The following SNTG1 variants were observed in gnomAD, a reference collection of about 807,000 sequenced individuals.
SNTG1 encodes gamma-1-syntrophin.
In SNTG1, 39 loss-of-function variants were observed where a neutral mutation model predicts 74.7. The ratio of observed to expected loss-of-function variants is 0.52; its 90% confidence interval spans 0.40 to 0.68. SNTG1 has a LOEUF of 0.68. Ranked by LOEUF, SNTG1 falls within the 30% of genes least tolerant of loss-of-function variation. The pLI is 0.00. For missense variants in SNTG1, 685 were observed against 609.5 expected, an observed-to-expected ratio of 1.12 and a Z score of -1.30; for synonymous variants, 254 against 217.1, an observed-to-expected ratio of 1.17 and a Z score of -1.49.
intron 3 of SNTG1, 144 bp downstream of exon 3, chr8:50,394,409 C>A: frequency 1.4e-6 from 1 of 735,020 alleles, no homozygotes; most frequent in Non-Finnish European, 2.2e-6. Flanking sequence ...AGATTACGTT[C>A]TCCTTCTGCA....
At chr8:50,678,063 A>G (rs892780287) in intron 15 of SNTG1, among the ~76,000 whole-genome samples, 1 of 151,960 alleles carries the variant, frequency 6.6e-6, no homozygotes, top group Non-Finnish European at 1.5e-5. Context: ...TATGTAACAA[A>G]CCTGCACTTT....
intron 2 of SNTG1, among the ~76,000 whole-genome samples, chr8:50,334,898 A>G (rs1486094895): frequency 3.3e-5 from 5 of 152,188 alleles, no homozygotes; most frequent in Non-Finnish European, 7.3e-5. Flanking sequence ...CACTTATTGT[A>G]ACTTGAAAAT....
chr8:49,990,772 C>CCA (rs1385946271), intron 1 of SNTG1, among the ~76,000 whole-genome samples: 1 of 151,924 alleles, frequency 6.6e-6, no homozygotes, highest in Non-Finnish European at 1.5e-5. Flanking sequence ...GACTCCTTCC[C>CCA]CACATAACAA....
intron 13 of SNTG1, among the ~76,000 whole-genome samples, chr8:50,630,849 A>G (rs1404600699): frequency 6.6e-6 from 1 of 152,176 alleles, no homozygotes; most frequent in Non-Finnish European, 1.5e-5. Context: ...TGGAGACTGG[A>G]TGGAAAGGAT....
intron 1 of SNTG1, among the ~76,000 whole-genome samples, chr8:49,982,220 G>A (rs1361598791): frequency 6.6e-6 from 1 of 152,034 alleles, no homozygotes; most frequent in Non-Finnish European, 1.5e-5. Context: ...GTTATAATAT[G>A]TATGGGCACA....
rs562690710 is a variant in SNTG1, at chr8:49,960,882, G to T, written c.-103+48651G>T. 1.2e-4 allele frequency among the ~76,000 whole-genome samples: 18 copies of T among 152,200 alleles called. No homozygotes were observed. The South Asian group carries it at 3.7e-3, about 32-fold the overall frequency. On this transcript the variant is annotated intron_variant, in intron 1 of 18. Coordinates refer to ENST00000642720, the MANE Select transcript of SNTG1 (RefSeq NM_018967.5). The stretch of plus-strand genomic sequence containing the variant: ...AATGGCCCCTCTATTCTTGGGTAGA[G>T]TATTGAATATCTTACGTGGATTAAG...
chr8:50,301,236 T>A (rs147899158), intron 2 of SNTG1, among the ~76,000 whole-genome samples: 1 of 152,172 alleles, frequency 6.6e-6, no homozygotes, highest in East Asian at 1.9e-4. Context: ...GGTGTTCTAA[T>A]GGACTATGGG....
upstream of SNTG1, chr8:49,911,192 A>T (rs1200777995): frequency 2.6e-5 from 4 of 152,150 alleles, no homozygotes; most frequent in African/African-American, 4.8e-5. Context: ...GGTTTCTCAA[A>T]ATTTGAATGT....
At chr8:50,162,333 C>T (rs7821723) in intron 1 of SNTG1, among the ~76,000 whole-genome samples, 3,095 of 151,968 alleles carry the variant, frequency 0.02, 100 homozygotes, top group African/African-American at 0.068. Context: ...GAGGTCGAGG[C>T]GGGCGTATCA....
At position 49,942,474 on chromosome 8, in the gene SNTG1, A is replaced by AT. The variant is rs547370287; in HGVS notation, c.-103+30251dup. Among the ~76,000 whole-genome samples the AT allele has an allele frequency of 1.2e-3, 183 of 151,950 alleles. 1 individual carries two copies. The highest frequency in any genetic ancestry group is 3.9e-3 in the African/African-American group (163 of 41,438). On this transcript the variant is annotated intron_variant, in intron 1 of 18. Transcript: ENST00000642720. ...AAATTAATAAACCAATATCAATGCC[A>AT]TTTTTTTTACTACAGTTCCTACTTA...
chr8:50,587,204 A>C (rs1456861088), intron 12 of SNTG1, among the ~76,000 whole-genome samples: 2 of 151,692 alleles, frequency 1.3e-5, no homozygotes, highest in Admixed American at 6.6e-5. Flanking sequence ...GCATACATAC[A>C]TATATGTATA....
At chr8:50,000,485 C>T (rs1585838066) in intron 1 of SNTG1, among the ~76,000 whole-genome samples, 1 of 152,096 alleles carries the variant, frequency 6.6e-6, no homozygotes, top group African/African-American at 2.4e-5. Flanking sequence ...CTTCTCTACT[C>T]CCCTTTCAGA....
chr8:50,545,923 A>G (rs955711171), intron 11 of SNTG1, among the ~76,000 whole-genome samples: 5 of 152,164 alleles, frequency 3.3e-5, no homozygotes, highest in Non-Finnish European at 5.9e-5. Context: ...AAAGCGAAAT[A>G]TGAATCTGAC....
intron 15 of SNTG1, among the ~76,000 whole-genome samples, chr8:50,677,320 G>A (rs528941785): frequency 3.3e-5 from 5 of 151,850 alleles, no homozygotes; most frequent in African/African-American, 9.6e-5. Flanking sequence ...TGAATAAATC[G>A]AATGCTTAAA....
rs185872506 is a variant in SNTG1, at chr8:50,606,995, G to C, written c.849+16078G>C. Among the ~76,000 whole-genome samples the C allele has an allele frequency of 1.9e-3, 292 of 151,878 alleles. 2 individuals are homozygous for C. Among genetic ancestry groups the C allele is most frequent in the African/African-American group, 6.7e-3 (280 of 41,530 alleles). ...AATTTTCTAAAATAAGAAAATTTAAGAAATTTTTCAACTGTGTTTCTGAGA... is the reference window on the plus strand; with the variant it reads ...AATTTTCTAAAATAAGAAAATTTAACAAATTTTTCAACTGTGTTTCTGAGA... On this transcript the variant is annotated intron_variant, in intron 13 of 18. Coordinates refer to ENST00000642720, the MANE Select transcript of SNTG1 (RefSeq NM_018967.5).
At chr8:50,029,414 G>A (rs1355984987) in intron 1 of SNTG1, among the ~76,000 whole-genome samples, 1 of 151,686 alleles carries the variant, frequency 6.6e-6, no homozygotes, top group Non-Finnish European at 1.5e-5. Context: ...AAGTCACTCT[G>A]CTGTGCTATT....
intron 1 of SNTG1, among the ~76,000 whole-genome samples, chr8:50,114,044 T>C (rs1350183544): frequency 6.6e-6 from 1 of 152,070 alleles, no homozygotes. Flanking sequence ...CTTTACTGCT[T>C]TTAAAGACTA....
At chr8:50,136,581 ACACCTGAATAGCAGGG>A (rs1215592115) in intron 1 of SNTG1, among the ~76,000 whole-genome samples, 1 of 152,116 alleles carries the variant, frequency 6.6e-6, no homozygotes, top group Non-Finnish European at 1.5e-5. Context: ...GTCCTGAGAA[ACACCTGAATAGCAGGG>A]CACGTGACCC....
intron 15 of SNTG1, among the ~76,000 whole-genome samples, chr8:50,686,607 A>G (rs2095353510): frequency 2.0e-5 from 3 of 152,154 alleles, no homozygotes; most frequent in Admixed American, 2.0e-4. Context: ...TTTTTAAAAT[A>G]TCCCAAATGT....
Sources: gnomAD v4.1 joint callset for allele counts (sites outside exome capture counted in the v4.1 genomes callset) on GRCh38, gnomAD v4.1.1 for gene constraint, MANE v1.5 for transcripts, NCBI Gene and HGNC (gene_info 2026-07-23, HGNC 2026-07-21) for gene names.